CRPPA: variants seen among roughly 807,000 people sequenced by gnomAD.
CRPPA encodes the protein D-ribitol-5-phosphate cytidylyltransferase.
In CRPPA, 43 loss-of-function variants were observed where a neutral mutation model predicts 52.0. The observed-to-expected ratio is 0.83, with a 90% CI of 0.65 to 1.07. CRPPA has a LOEUF of 1.07. CRPPA is among the 50% of genes least tolerant of loss of function. CRPPA has a pLI of 0.00. For synonymous variants in CRPPA, 250 were observed against 203.5 expected (o/e 1.23, Z -1.94); for missense variants, 629 against 551.7 (o/e 1.14, Z -1.40).
At chr7:16,396,174 C>T (rs371417389) in intron 2 of CRPPA, among the ~76,000 whole-genome samples, 2 of 152,174 alleles carry the variant, frequency 1.3e-5, no homozygotes, top group African/African-American at 4.8e-5. Flanking sequence ...ATCTTATCCC[C>T]ATGCAGAAGC....
At chr7:16,291,665 A>G (rs1044844214) in intron 5 of CRPPA, among the ~76,000 whole-genome samples, 1 of 151,804 alleles carries the variant, frequency 6.6e-6, no homozygotes, top group Non-Finnish European at 1.5e-5. Flanking sequence ...TTAAGGTTCA[A>G]TAGCCTAATA....
At chr7:16,139,427 C>T (rs958464118) in intron 9 of CRPPA, among the ~76,000 whole-genome samples, 1 of 152,080 alleles carries the variant, frequency 6.6e-6, no homozygotes, top group Admixed American at 6.5e-5. Flanking sequence ...TTCTCATACA[C>T]ATTTTATGAC....
chr7:16,145,917 C>G (rs537427278), intron 9 of CRPPA, among the ~76,000 whole-genome samples: 1 of 152,058 alleles, frequency 6.6e-6, no homozygotes, highest in East Asian at 1.9e-4. Context: ...GAAATAATGA[C>G]AGAAAACTCC....
intron 5 of CRPPA, among the ~76,000 whole-genome samples, chr7:16,290,261 A>T (rs938719454): frequency 3.3e-5 from 5 of 152,036 alleles, no homozygotes; most frequent in African/African-American, 1.2e-4. Flanking sequence ...CCCTATCAAA[A>T]TACCAATGAT....
At chr7:16,219,172 C>G (rs974560675) in intron 8 of CRPPA, among the ~76,000 whole-genome samples, 1 of 151,874 alleles carries the variant, frequency 6.6e-6, no homozygotes, top group Non-Finnish European at 1.5e-5. Flanking sequence ...GGAAACTGAA[C>G]AACCTGCTCC....
At chr7:16,106,476 C>A (rs1450919001) in intron 9 of CRPPA, among the ~76,000 whole-genome samples, 3 of 152,156 alleles carry the variant, frequency 2.0e-5, no homozygotes, top group African/African-American at 7.2e-5. Context: ...AATAGCAGAT[C>A]CCAGCCACCA....
At chr7:16,394,031 G>A (rs542956026) in intron 2 of CRPPA, among the ~76,000 whole-genome samples, 1 of 152,108 alleles carries the variant, frequency 6.6e-6, no homozygotes, top group Admixed American at 6.6e-5. Context: ...ACTATATCAA[G>A]TAGTGGTGAG....
At chr7:16,336,151 AC>A (rs752741266) in intron 3 of CRPPA, among the ~76,000 whole-genome samples, 5 of 152,214 alleles carry the variant, frequency 3.3e-5, no homozygotes. Context: ...TGAATTAATA[AC>A]AAAAACCATG....
chr7:16,382,185 T>C (rs952178418), intron 2 of CRPPA, among the ~76,000 whole-genome samples: 1 of 152,178 alleles, frequency 6.6e-6, no homozygotes, highest in African/African-American at 2.4e-5. Flanking sequence ...AGGGCGGGCC[T>C]GGTGGTGACA....
intron 3 of CRPPA, among the ~76,000 whole-genome samples, chr7:16,333,403 T>C (rs184911048): frequency 4.2e-4 from 64 of 152,200 alleles, no homozygotes; most frequent in Admixed American, 4.2e-3. Flanking sequence ...TAAAAGAACA[T>C]CTCAATAACA....
chr7:16,259,657 T>TAGC, intron 6 of CRPPA, among the ~76,000 whole-genome samples: 2 of 152,100 alleles, frequency 1.3e-5, no homozygotes, highest in East Asian at 3.9e-4. Context: ...CTTTTAAGAT[T>TAGC]TTTCTATCAT....
rs1247620552 is a variant in CRPPA at position 16,150,823 on chromosome 7, C to T, written c.1252-59024G>A. On this transcript the variant is annotated intron_variant, in intron 9 of 9. Coordinates refer to ENST00000407010, the MANE Select transcript of CRPPA (RefSeq NM_001101426.4). ...ACTGGGAAGGGTCTTTTTGCTGTGT[C>T]ATCCTATGGCAGGAGGGCAAGTGAC... Among the ~76,000 whole-genome samples the T allele has an allele frequency of 2.0e-5, 3 of 152,284 alleles. No homozygotes were observed. The East Asian group carries it at 5.8e-4, about 29-fold the overall frequency.
chr7:16,225,055 T>C (rs897334168), intron 8 of CRPPA, among the ~76,000 whole-genome samples: 1 of 152,116 alleles, frequency 6.6e-6, no homozygotes, highest in African/African-American at 2.4e-5. Context: ...TAATGGCATT[T>C]AACAAAAGGT....
intron 5 of CRPPA, among the ~76,000 whole-genome samples, chr7:16,301,063 C>A (rs921824745): frequency 1.3e-5 from 2 of 152,080 alleles, no homozygotes; most frequent in African/African-American, 2.4e-5. Flanking sequence ...TGTACCGACA[C>A]GACACTGTTA....
At chr7:16,237,500 A>G (rs1178704091) in intron 8 of CRPPA, 4 of 152,172 alleles carry the variant, frequency 2.6e-5, no homozygotes, top group Non-Finnish European at 5.9e-5. Flanking sequence ...CTCCCAAAGG[A>G]CCCACCTCCT....
intron 3 of CRPPA, among the ~76,000 whole-genome samples, chr7:16,348,888 T>A (rs4719465): frequency 6.6e-6 from 1 of 152,136 alleles, no homozygotes; most frequent in East Asian, 1.9e-4. Context: ...CCCAAGGGAC[T>A]GTCTCCTTAA....
chr7:16,271,443 T>C (rs1440044166), intron 6 of CRPPA, among the ~76,000 whole-genome samples: 1 of 152,096 alleles, frequency 6.6e-6, no homozygotes, highest in Non-Finnish European at 1.5e-5. Flanking sequence ...AATATATAAA[T>C]GATAATAGTA....
intron 9 of CRPPA, among the ~76,000 whole-genome samples, chr7:16,137,198 C>G (rs892467175): frequency 3.3e-5 from 5 of 152,160 alleles, no homozygotes; most frequent in African/African-American, 1.2e-4. Context: ...AAAGAAGCTC[C>G]AGAAAGCTGC....
intron 3 of CRPPA, among the ~76,000 whole-genome samples, chr7:16,354,589 T>G (rs1356299465): frequency 6.6e-6 from 1 of 152,198 alleles, no homozygotes; most frequent in Non-Finnish European, 1.5e-5. Context: ...GAGATTACTT[T>G]AGAAGAGAAA....
Sources: allele counts gnomAD v4.1 joint callset (sites outside exome capture counted in the v4.1 genomes callset), GRCh38; gene constraint gnomAD v4.1.1; transcripts MANE v1.5; gene names NCBI Gene and HGNC (gene_info 2026-07-23, HGNC 2026-07-21).